The following CPSF3 variants were observed in gnomAD, a reference collection of about 807,000 sequenced individuals.
The protein encoded by CPSF3 is cleavage and polyadenylation specificity factor subunit 3.
CPSF3 carries 57 observed loss-of-function variants against 84.1 expected under a neutral mutation model. The ratio of observed to expected loss-of-function variants is 0.68; its 90% CI spans 0.55 to 0.85. The LOEUF (loss-of-function observed/expected upper bound fraction) is 0.85. Among genes scored for constraint, CPSF3 ranks in the 40% least tolerant of loss-of-function variants. The probability of loss-of-function intolerance (pLI) is 0.00; values close to 1 mark genes in which losing one functional copy is unlikely to be tolerated. For missense variants in CPSF3, 522 were observed against 838.8 expected (o/e 0.62, Z 4.66); for synonymous variants, 275 against 278.1 (o/e 0.99, Z 0.11).
intron 4 of CPSF3, among the ~76,000 whole-genome samples, chr2:9,431,198 A>C (rs1680572569): frequency 1.3e-5 from 2 of 152,160 alleles, no homozygotes; most frequent in Non-Finnish European, 2.9e-5. Flanking sequence ...CTGAGACTAC[A>C]GGTGTGTGCC....
intron 15 of CPSF3, among the ~76,000 whole-genome samples, chr2:9,466,256 A>ACGTG (rs1558466114): frequency 1.0e-4 from 10 of 97,526 alleles, no homozygotes; most frequent in Non-Finnish European, 1.7e-4. Context: ...ACGCGCACAC[A>ACGTG]CGCACACAAA....
chr2:9,428,878 G>C, intron 2 of CPSF3, 50 bp downstream of exon 2: 1 of 1,117,444 alleles, frequency 8.9e-7, no homozygotes, highest in Non-Finnish European at 1.4e-6. Flanking sequence ...TGTCTGTATT[G>C]GGTGTTAGTC....
chr2:9,471,622 G>A (rs574048078), intron 17 of CPSF3, among the ~76,000 whole-genome samples, 183 bp downstream of exon 17: 1 of 151,980 alleles, frequency 6.6e-6, no homozygotes, highest in East Asian at 1.9e-4. Context: ...GTGTTTTTCC[G>A]GGTTACTGCA....
At chr2:9,466,251 CACACACGCACACAAAGACGCACG>C (rs1681922345) in intron 15 of CPSF3, among the ~76,000 whole-genome samples, 1 of 96,404 alleles carries the variant, frequency 1.0e-5, no homozygotes, top group Non-Finnish European at 2.5e-5. Flanking sequence ...CACGCACGCG[CACACACGCACACAAAGACGCACG>C]CACACACGTG....
In CPSF3 at chr2:9,448,364, G is replaced by A. The variant is rs199499107; in HGVS notation, c.1395+14G>A. ...AAACTAGCCAAGGTAAAAGGTTATG[G>A]TTCCTGTCTGTCCAATCCATGTTTT... is the stretch of plus-strand genomic sequence containing the variant. On this transcript the variant is annotated intron_variant, in intron 11 of 17. Transcript: ENST00000238112. The A allele has an allele frequency of 3.0e-5, 48 of 1,599,578 alleles. No homozygotes were observed. In the East Asian group the frequency reaches 1.1e-3, roughly 35 times the overall value.
chr2:9,424,232 G>A, intron 1 of CPSF3: 1 of 996,716 alleles, frequency 1.0e-6, no homozygotes, highest in Non-Finnish European at 1.2e-6. Flanking sequence ...CTACAGCCGT[G>A]CAGGGAAGAA....
intron 7 of CPSF3, among the ~76,000 whole-genome samples, chr2:9,438,996 G>T (rs768285590): frequency 1.3e-5 from 2 of 152,006 alleles, no homozygotes; most frequent in South Asian, 2.1e-4. Flanking sequence ...ATAAAAACAC[G>T]CACAACAAAC....
chr2:9,466,352 GCACACACACA>G lies in CPSF3; in HGVS notation c.1787-1353_1787-1344del, dbSNP rs1197055357. ...GACGCACGCACACACGCGCGCGCGC[GCACACACACA>G]CGCACACACCCACGCACTCGCACAC... On this transcript the variant is annotated intron_variant, in intron 15 of 17. Transcript: ENST00000238112. 5.8e-4 allele frequency among the ~76,000 whole-genome samples: 75 copies of G among 129,136 alleles called. 1 individual carries two copies. The highest frequency in any genetic ancestry group is 2.4e-3 in the African/African-American group (74 of 30,960). The allele number at this position is 129,136 out of a possible 152,430, so 84.7% of individuals were successfully genotyped here.
At chr2:9,450,898 C>T (rs1220022920) in intron 11 of CPSF3, among the ~76,000 whole-genome samples, 2 of 152,148 alleles carry the variant, frequency 1.3e-5, no homozygotes, top group Non-Finnish European at 1.5e-5. Flanking sequence ...ATTAGCAAAA[C>T]TTAGGGTATG....
In CPSF3 at chr2:9,456,937, T is replaced by C. The variant is rs1681551275; in HGVS notation, c.1608T>C (p.Asp536=). The part of the protein sequence containing the change: ...LCYQLQKLTG[D]VEELEIQEKP... Reference sequence around the variant, plus strand: ...ATAGTTATGTCTTTCTTTCAGGTGATGTGGAAGAATTAGAAATTCAAGAAA... The same window carrying C: ...ATAGTTATGTCTTTCTTTCAGGTGACGTGGAAGAATTAGAAATTCAAGAAA... The change falls in exon 14 of 18, where the codon GAT becomes GAC. Residue 536 remains aspartate, a synonymous_variant. Transcript: ENST00000238112. The C allele has an allele frequency of 6.4e-7, 1 of 1,563,958 alleles. No homozygotes were observed. Among genetic ancestry groups the C allele is most frequent in the East Asian group, 2.2e-5 (1 of 44,518 alleles).
chr2:9,423,765 A>C lies in CPSF3; in HGVS notation c.-9A>C, dbSNP rs897661241. The C allele has an allele frequency of 6.2e-7, 1 of 1,612,908 alleles. No homozygotes were observed. Among genetic ancestry groups the C allele is most frequent in the Non-Finnish European group, 8.5e-7 (1 of 1,179,496 alleles). ...TTCCTCACCCCCGCTTCGCCCTCAC[A>C]CTTTCGGGATGTCTGCGATTCCTGC... On this transcript the variant is annotated 5_prime_UTR_variant, in exon 1 of 18. Transcript: ENST00000238112.
chr2:9,448,143 C>A, intron 10 of CPSF3, 55 bp from the exon 11 acceptor site: 2 of 975,430 alleles, frequency 2.1e-6, no homozygotes, highest in South Asian at 2.1e-5. Flanking sequence ...ACTTAAGGAC[C>A]ATGATTAAGC....
At chr2:9,447,727 A>G (rs1393581402) in intron 10 of CPSF3, among the ~76,000 whole-genome samples, 1 of 152,190 alleles carries the variant, frequency 6.6e-6, no homozygotes, top group Non-Finnish European at 1.5e-5. Flanking sequence ...GTGAGCTGAG[A>G]TCACACCACT....
intron 11 of CPSF3, among the ~76,000 whole-genome samples, chr2:9,452,004 C>T (rs1208783629): frequency 6.6e-6 from 1 of 152,146 alleles, no homozygotes; most frequent in African/African-American, 2.4e-5. Context: ...GCGTGAGCCA[C>T]CATGCCCGGC....
intron 10 of CPSF3, among the ~76,000 whole-genome samples, chr2:9,445,124 C>T (rs545691240): frequency 6.6e-6 from 1 of 152,252 alleles, no homozygotes; most frequent in Admixed American, 6.5e-5. Context: ...TTCATCACTC[C>T]AAGCAGAAAC....
intron 13 of CPSF3, 24 bp from the exon 14 acceptor site, chr2:9,456,909 C>G (rs765757485): frequency 1.4e-6 from 2 of 1,380,704 alleles, no homozygotes; most frequent in East Asian, 4.6e-5. Flanking sequence ...GTATATACAT[C>G]TTATAGTTAT....
At chr2:9,455,219 C>T (rs1171578866) in intron 12 of CPSF3, among the ~76,000 whole-genome samples, 1 of 151,776 alleles carries the variant, frequency 6.6e-6, no homozygotes, top group Non-Finnish European at 1.5e-5. Context: ...TCACTTCTGC[C>T]TCTGCCTCCT....
chr2:9,457,304 T>G (rs1007278748), intron 14 of CPSF3, among the ~76,000 whole-genome samples: 1 of 152,096 alleles, frequency 6.6e-6, no homozygotes, highest in Non-Finnish European at 1.5e-5. Flanking sequence ...ATAAATATAG[T>G]CCTTTCCTAT....
intron 10 of CPSF3, among the ~76,000 whole-genome samples, chr2:9,447,222 A>G (rs1341198487): frequency 1.3e-5 from 2 of 152,176 alleles, no homozygotes; most frequent in African/African-American, 2.4e-5. Context: ...GCTCACGCCT[A>G]TAATCCTAGC....
Sources: allele counts gnomAD v4.1 joint callset (sites outside exome capture counted in the v4.1 genomes callset), GRCh38; gene constraint gnomAD v4.1.1; transcripts MANE v1.5; gene names NCBI Gene and HGNC (gene_info 2026-07-23, HGNC 2026-07-21).